The following MGLL variants were observed in gnomAD, a reference collection of about 807,000 sequenced individuals.
The protein encoded by MGLL is monoglyceride lipase.
A neutral mutation model predicts 29.1 loss-of-function variants in MGLL; 7 were observed. The ratio of observed to expected loss-of-function variants is 0.24; its 90% CI spans 0.14 to 0.45. The LOEUF (loss-of-function observed/expected upper bound fraction) is 0.45, where lower values mean the gene tolerates loss of function less well. MGLL is among the 20% of genes least tolerant of loss of function. The pLI is 0.99. For missense variants in MGLL, 356 were observed against 413.6 expected, an observed-to-expected ratio of 0.86 and a Z score of 1.21; for synonymous variants, 148 against 168.3, an observed-to-expected ratio of 0.88 and a Z score of 0.93.
At chr3:127,765,842 A>G (rs549468760) in intron 3 of MGLL, among the ~76,000 whole-genome samples, 1 of 152,284 alleles carries the variant, frequency 6.6e-6, no homozygotes, top group East Asian at 1.9e-4. Context: ...ATTTAATTTC[A>G]GGGAACTGAA....
At chr3:127,789,531 G>A (rs1012396310) in intron 2 of MGLL, among the ~76,000 whole-genome samples, 1 of 152,162 alleles carries the variant, frequency 6.6e-6, no homozygotes, top group Non-Finnish European at 1.5e-5. Context: ...GCAACATGGT[G>A]AGACCCCATC....
intron 5 of MGLL, chr3:127,715,736 C>T (rs1023168846): frequency 8.8e-6 from 4 of 456,510 alleles, no homozygotes; most frequent in African/African-American, 2.0e-5. Flanking sequence ...TGGCAGGTCC[C>T]GCACCCAGAT....
chr3:127,814,184 G>A (rs747334280), intron 2 of MGLL, among the ~76,000 whole-genome samples: 2 of 152,160 alleles, frequency 1.3e-5, no homozygotes, highest in African/African-American at 2.4e-5. Context: ...GCATTAGCCC[G>A]GGAGAGAGGC....
At chr3:127,776,932 A>G (rs996469803) in intron 3 of MGLL, among the ~76,000 whole-genome samples, 1 of 152,168 alleles carries the variant, frequency 6.6e-6, no homozygotes, top group African/African-American at 2.4e-5. Context: ...GGACAACACA[A>G]TGTAAGACAC....
chr3:127,794,891 T>C (rs764009389), intron 2 of MGLL, among the ~76,000 whole-genome samples: 13 of 152,364 alleles, frequency 8.5e-5, no homozygotes, highest in Middle Eastern at 3.4e-3. Context: ...CTTTTGCTCG[T>C]CCTTTTGGAA....
At chr3:127,728,848 C>T (rs1210997833) in intron 3 of MGLL, among the ~76,000 whole-genome samples, 4 of 152,066 alleles carry the variant, frequency 2.6e-5, no homozygotes, top group African/African-American at 4.8e-5. Flanking sequence ...GAGTGAGATG[C>T]GGGAGAGGGC....
At chr3:127,811,004 A>G (rs996277185) in intron 2 of MGLL, among the ~76,000 whole-genome samples, 1 of 149,274 alleles carries the variant, frequency 6.7e-6, no homozygotes, top group Non-Finnish European at 1.5e-5. Context: ...CAGTATCTCA[A>G]GGGGTAACCT....
intron 2 of MGLL, among the ~76,000 whole-genome samples, chr3:127,797,984 C>T (rs1244969062): frequency 6.6e-6 from 1 of 152,144 alleles, no homozygotes; most frequent in Non-Finnish European, 1.5e-5. Flanking sequence ...TCCAACTTTG[C>T]CCAGGTTGAT....
chr3:127,764,161 A>G (rs1181747371), intron 3 of MGLL, among the ~76,000 whole-genome samples: 5 of 151,988 alleles, frequency 3.3e-5, no homozygotes, highest in Non-Finnish European at 5.9e-5. Flanking sequence ...GCAGGAACCC[A>G]CCTCTGACAT....
intron 3 of MGLL, among the ~76,000 whole-genome samples, chr3:127,743,023 C>T (rs572430705): frequency 2.4e-4 from 37 of 152,310 alleles, no homozygotes; most frequent in Admixed American, 1.8e-3. Flanking sequence ...CCATGTTGGC[C>T]GAGCTGGTCT....
chr3:127,736,392 G>A (rs1036222813), intron 3 of MGLL: 5 of 968,166 alleles, frequency 5.2e-6, no homozygotes, highest in East Asian at 1.1e-4. Context: ...TTGGGTCAGC[G>A]AAAAAGAGTA....
chr3:127,722,503 T>C lies in MGLL; in HGVS notation c.326A>G (p.Asp109Gly). The change falls in exon 4 of 8, where the codon GAT (aspartate) becomes GGT (glycine). Residue 109 changes from aspartate to glycine, a missense_variant. Physicochemically the swap from Asp to Gly is moderately conservative, Grantham distance 94. Transcript: ENST00000265052. Reference sequence around the variant, plus strand: ...CATGGAATCCACATGCTGCAACACATCCCTGACGAAAACGTGGAAGTCAGA... The same window carrying C: ...CATGGAATCCACATGCTGCAACACACCCCTGACGAAAACGTGGAAGTCAGA... ...VVSDFHVFVRDVLQHVDSMQK... is the reference protein window; with the variant it reads ...VVSDFHVFVRGVLQHVDSMQK... 1 of 1,614,094 alleles carries C rather than the reference T, an allele frequency of 6.2e-7. No homozygotes were observed. The highest frequency in any genetic ancestry group is 8.5e-7 in the Non-Finnish European group (1 of 1,180,026).
intron 3 of MGLL, among the ~76,000 whole-genome samples, chr3:127,755,700 G>A (rs1002798434): frequency 2.6e-5 from 4 of 152,232 alleles, no homozygotes; most frequent in African/African-American, 4.8e-5. Context: ...AAATCTTCGC[G>A]CACCACCTGT....
At chr3:127,777,789 C>G (rs140866290) in intron 3 of MGLL, among the ~76,000 whole-genome samples, 1 of 152,164 alleles carries the variant, frequency 6.6e-6, no homozygotes, top group South Asian at 2.1e-4. Context: ...TACAGCCACA[C>G]GTTCCTCACT....
chr3:127,702,771 T>A (rs1236800507), intron 6 of MGLL, among the ~76,000 whole-genome samples: 3 of 152,214 alleles, frequency 2.0e-5, no homozygotes, highest in Non-Finnish European at 2.9e-5. Flanking sequence ...CTTGGCTCAC[T>A]GCAACCTCTG....
chr3:127,719,923 C>T (rs564751424), intron 5 of MGLL, among the ~76,000 whole-genome samples: 2 of 152,244 alleles, frequency 1.3e-5, no homozygotes, highest in South Asian at 4.1e-4. Context: ...ATCAGATAGT[C>T]CCTGATTTCT....
intron 4 of MGLL, 118 bp from the exon 5 acceptor site, chr3:127,721,281 G>A (rs1042731880): frequency 1.2e-6 from 1 of 803,686 alleles, no homozygotes; most frequent in Non-Finnish European, 2.1e-6. Flanking sequence ...CCCTGAGGAG[G>A]ACTACCTTGG....
chr3:127,724,465 G>A (rs1253083108), intron 3 of MGLL, among the ~76,000 whole-genome samples: 3 of 152,178 alleles, frequency 2.0e-5, no homozygotes, highest in Non-Finnish European at 2.9e-5. Context: ...TTTGTCTGTC[G>A]AGGGACATTT....
At chr3:127,742,802 C>T (rs1306949440) in intron 3 of MGLL, among the ~76,000 whole-genome samples, 1 of 152,108 alleles carries the variant, frequency 6.6e-6, no homozygotes, top group Non-Finnish European at 1.5e-5. Context: ...GATTTGGAAG[C>T]CCTGATTGCA....
Sources: gnomAD v4.1 joint callset for allele counts (sites outside exome capture counted in the v4.1 genomes callset) on GRCh38, gnomAD v4.1.1 for gene constraint, MANE v1.5 for transcripts, NCBI Gene and HGNC (gene_info 2026-07-23, HGNC 2026-07-21) for gene names.